Variants in KCMF1 observed in about 807,000 individuals in gnomAD.
KCMF1 encodes the protein E3 ubiquitin-protein ligase KCMF1.
Under a neutral mutation model 41.1 loss-of-function variants are expected in KCMF1, and 3 were observed. That is an observed-to-expected ratio of 0.07 (90% confidence interval 0.03 to 0.19). The LOEUF (loss-of-function observed/expected upper bound fraction) is 0.19, where lower values mean the gene tolerates loss of function less well. Among genes scored for constraint, KCMF1 ranks in the 10% least tolerant of loss-of-function variants. The pLI is 1.00. For missense variants in KCMF1, 286 were observed against 488.9 expected (o/e 0.58, Z 3.91); for synonymous variants, 142 against 164.5 (o/e 0.86, Z 1.04).
At chr2:85,053,104 A>G (rs1320677489) in intron 6 of KCMF1, 44 bp from the exon 7 acceptor site, 2 of 1,547,712 alleles carry the variant, frequency 1.3e-6, no homozygotes, top group Non-Finnish European at 1.7e-6. Context: ...GCCATTGTTC[A>G]TTGACTTTTT....
At chr2:85,008,310 G>GATATATAATATATAATATATCATATGAT (rs1558573428) in intron 1 of KCMF1, among the ~76,000 whole-genome samples, 1 of 16,238 alleles carries the variant, frequency 6.2e-5, no homozygotes, top group African/African-American at 2.4e-4. Flanking sequence ...TATATAATAT[G>GATATATAATATATAATATATCATATGAT]ATATATATAT....
At chr2:85,001,922 A>G (rs1437038927) in intron 1 of KCMF1, among the ~76,000 whole-genome samples, 1 of 152,178 alleles carries the variant, frequency 6.6e-6, no homozygotes, top group Non-Finnish European at 1.5e-5. Context: ...CCTGCATAAT[A>G]TGTTGCTGTA....
chr2:84,973,825 C>CTTTTTTTTTTTTT (rs1238178193), intron 1 of KCMF1, among the ~76,000 whole-genome samples: 49 of 110,266 alleles, frequency 4.4e-4, no homozygotes, highest in South Asian at 8.5e-4. Context: ...TTATTTCTTT[C>CTTTTTTTTTTTTT]TTTTTTTTTT....
intron 6 of KCMF1, among the ~76,000 whole-genome samples, chr2:85,050,937 A>G (rs1369670772): frequency 6.6e-6 from 1 of 152,234 alleles, no homozygotes; most frequent in East Asian, 1.9e-4. Flanking sequence ...GACCTCAGGC[A>G]AGTCATTTCA....
Position 85,049,566 on chromosome 2 carries a change from A to C in KCMF1, c.802A>C (p.Thr268Pro). Residue 268 changes from threonine (T) to proline (P), a missense_variant, in exon 6 of 7, where the codon ACA becomes CCA. Thr to Pro is a conservative substitution (Grantham distance 38). Coordinates refer to ENST00000409785, the MANE Select transcript of KCMF1 (RefSeq NM_020122.5). ...CACAAGCAGTGTCACCACTACAATC[A>C]CACAATCCACAGCAACAACCAACAT... ...TNTSSVTTTI[T>P]QSTATTNIAN... 2.5e-6 allele frequency: 4 copies of C among 1,613,978 alleles called. No homozygotes were observed. The highest frequency in any genetic ancestry group is 3.4e-6 in the Non-Finnish European group (4 of 1,179,878).
intron 5 of KCMF1, among the ~76,000 whole-genome samples, chr2:85,046,589 C>T (rs1281421548): frequency 1.3e-5 from 2 of 150,300 alleles, no homozygotes; most frequent in Non-Finnish European, 2.9e-5. Flanking sequence ...GAGATCGCAC[C>T]ACTGCAGTCC....
At position 84,971,417 on chromosome 2, in the gene KCMF1, C is replaced by T. The variant is rs1182973802; in HGVS notation, c.-35C>T. Reference sequence around the variant, plus strand: ...CCGCGGGGGACACTGCAGCCGGAGCCCGGGAGGGGCCGCGCCGCCACCGTC... The same window carrying T: ...CCGCGGGGGACACTGCAGCCGGAGCTCGGGAGGGGCCGCGCCGCCACCGTC... On this transcript the variant is annotated 5_prime_UTR_variant, in exon 1 of 7. Transcript: ENST00000409785. The T allele has an allele frequency of 3.3e-6, 4 of 1,217,926 alleles. No individual in the cohort carries two copies. Among genetic ancestry groups the T allele is most frequent in the East Asian group, 4.6e-5 (1 of 21,616 alleles). 75.4% of individuals were successfully genotyped at this position (1,217,926 alleles called of 1,614,324 possible).
At chr2:84,981,521 CTT>C (rs1673752755) in intron 1 of KCMF1, among the ~76,000 whole-genome samples, 1 of 151,948 alleles carries the variant, frequency 6.6e-6, no homozygotes, top group Admixed American at 6.6e-5. Flanking sequence ...TTTTTAATCT[CTT>C]TTGCTGGTAC....
rs563261815 is a variant in KCMF1, at chr2:84,989,622, C to T, written c.16+18155C>T. The stretch of plus-strand genomic sequence containing the variant: ...TTGTAGAGGTGAGTAAGAGTCATAT[C>T]TGGTGATCGATTAAGCATGAGGATT... On this transcript the variant is annotated intron_variant, in intron 1 of 6. Transcript: ENST00000409785. Among the ~76,000 whole-genome samples, 4 of 152,216 alleles carry T rather than the reference C, an allele frequency of 2.6e-5. No individual in the cohort carries two copies. The South Asian group carries it at 8.3e-4, about 32-fold the overall frequency.
In KCMF1 at chr2:85,034,997, A is replaced by G. The variant is rs1370242287; in HGVS notation, c.185-19A>G. On this transcript the variant is annotated intron_variant, in intron 2 of 6. Transcript: ENST00000409785. ...TTAAAAACTAATATTCCTCAATGCA[A>G]TTCTACCTTATTTTTCAGATTTATA... The G allele has an allele frequency of 2.5e-6, 4 of 1,588,120 alleles. No individual in the cohort carries two copies. In the East Asian group the frequency reaches 6.7e-5, roughly 27 times the overall value.
Position 85,027,886 on chromosome 2 carries a change from T to A in KCMF1, c.17-3T>A, listed in dbSNP as rs1257159925. 9.5e-6 allele frequency: 15 copies of A among 1,581,166 alleles called. No individual in the cohort carries two copies. Among genetic ancestry groups the A allele is most frequent in the Non-Finnish European group, 9.4e-6 (11 of 1,165,330 alleles). ...TAACTAAAGATATTTCTTTTTTTTA[T>A]AGGTGTCAGCTGTGATGCATGTTTA... On this transcript the variant is annotated splice_polypyrimidine_tract_variant and splice_region_variant and intron_variant, in intron 1 of 6. Transcript: ENST00000409785.
chr2:85,024,641 A>G (rs748507007), intron 1 of KCMF1, among the ~76,000 whole-genome samples: 5 of 150,240 alleles, frequency 3.3e-5, no homozygotes, highest in Non-Finnish European at 7.4e-5. Context: ...AGATTTAAGA[A>G]ATTGTTTTCT....
At chr2:84,999,409 T>C (rs1391132813) in intron 1 of KCMF1, among the ~76,000 whole-genome samples, 3 of 151,990 alleles carry the variant, frequency 2.0e-5, no homozygotes, top group African/African-American at 7.2e-5. Context: ...CCTCGGCCTC[T>C]CAAAGTGTTG....
chr2:85,041,784 A>T (rs199694511), intron 3 of KCMF1, among the ~76,000 whole-genome samples: 78 of 124,090 alleles, frequency 6.3e-4, no homozygotes, highest in East Asian at 2.4e-3. Context: ...TTTTTTTTTT[A>T]AAAAAAGCAA....
chr2:85,039,317 C>T (rs948378099), intron 3 of KCMF1, among the ~76,000 whole-genome samples: 2 of 152,004 alleles, frequency 1.3e-5, no homozygotes, highest in African/African-American at 2.4e-5. Flanking sequence ...TAGTACCCAT[C>T]GAGAGAATGC....
chr2:84,992,519 G>T (rs947300044), intron 1 of KCMF1, among the ~76,000 whole-genome samples: 2 of 152,106 alleles, frequency 1.3e-5, no homozygotes, highest in Non-Finnish European at 2.9e-5. Flanking sequence ...GCCCGTTTTG[G>T]CTCTTAGTAA....
At chr2:85,004,535 AAG>A (rs1295916391) in intron 1 of KCMF1, among the ~76,000 whole-genome samples, 1 of 151,936 alleles carries the variant, frequency 6.6e-6, no homozygotes, top group African/African-American at 2.4e-5. Flanking sequence ...AATAAAAAAA[AAG>A]AGAAAGCAAA....
chr2:85,016,953 A>T (rs1425561689), intron 1 of KCMF1, among the ~76,000 whole-genome samples: 1 of 150,450 alleles, frequency 6.6e-6, no homozygotes, highest in African/African-American at 2.4e-5. Flanking sequence ...GGCGTGAGCC[A>T]CTGCGCCCAG....
intron 1 of KCMF1, among the ~76,000 whole-genome samples, chr2:84,971,802 C>A (rs1487436390): frequency 6.6e-6 from 1 of 151,318 alleles, no homozygotes; most frequent in African/African-American, 2.4e-5. Context: ...CGCCAAGGCC[C>A]GCCCGGCCGG....
Sources: gnomAD v4.1 joint callset for allele counts (sites outside exome capture counted in the v4.1 genomes callset) on GRCh38, gnomAD v4.1.1 for gene constraint, MANE v1.5 for transcripts, NCBI Gene and HGNC (gene_info 2026-07-23, HGNC 2026-07-21) for gene names.